BEND3: variants seen among roughly 807,000 people sequenced by gnomAD.
BEND3 encodes the protein BEN domain containing 3.
Under a neutral mutation model 60.1 loss-of-function variants are expected in BEND3, and 13 were observed. That is an observed-to-expected ratio of 0.22 (90% CI 0.14 to 0.34). BEND3 has a LOEUF of 0.34. BEND3 is among the 10% of genes least tolerant of loss of function. The probability of loss-of-function intolerance (pLI) is 1.00; values close to 1 mark genes in which losing one functional copy is unlikely to be tolerated. For missense variants in BEND3, 896 were observed against 1,138.1 expected (o/e 0.79, Z 3.06); for synonymous variants, 497 against 491.5 (o/e 1.01, Z -0.15).
chr6:107,112,339 G>C (rs1232965094), intron 1 of BEND3, among the ~76,000 whole-genome samples: 1 of 152,058 alleles, frequency 6.6e-6, no homozygotes, highest in Non-Finnish European at 1.5e-5. Context: ...GCTCACACAG[G>C]GGTGCTTAGG....
intron 3 of BEND3, among the ~76,000 whole-genome samples, chr6:107,086,564 G>A (rs189653569): frequency 9.9e-5 from 15 of 151,992 alleles, no homozygotes; most frequent in South Asian, 6.3e-4. Context: ...GCAGTGAGCC[G>A]AAATCGCGTC....
At chr6:107,100,513 C>T (rs1184314059) in intron 1 of BEND3, among the ~76,000 whole-genome samples, 3 of 152,048 alleles carry the variant, frequency 2.0e-5, no homozygotes, top group African/African-American at 4.8e-5. Flanking sequence ...ATGATCCGCC[C>T]ACCTCAGCCT....
intron 3 of BEND3, among the ~76,000 whole-genome samples, chr6:107,083,450 T>A (rs1775273749): frequency 6.6e-6 from 1 of 151,676 alleles, no homozygotes; most frequent in Non-Finnish European, 1.5e-5. Flanking sequence ...CCAAACCCCA[T>A]CTCTACAAAA....
chr6:107,070,872 T>G lies in BEND3; in HGVS notation c.319A>C (p.Ser107Arg). ...GNGEQAGRGR[S>R]LGNVWPGEEE... ...TCTCCAGGCCACACATTGCCCAGGC[T>G]CCTGCCCCTGCCGGCCTGCTCACCA... is the stretch of plus-strand genomic sequence containing the variant. The change falls in exon 4 of 4, where the codon AGC becomes CGC. Residue 107 changes from serine (S) to arginine (R), a missense_variant. Around this residue, in one of 4 missense-constraint regions of BEND3, gnomAD observed 846 missense variants for 1,036.7 expected, o/e 0.82. Coordinates refer to ENST00000369042, the MANE Select transcript of BEND3 (RefSeq NM_001367314.1). This position sits in a 1 kb window ranked among gnomAD's most constrained non-coding sequence, Gnocchi z 6.9. 1 of 1,613,912 alleles carries G rather than the reference T, an allele frequency of 6.2e-7. No individual in the cohort carries two copies. The highest frequency in any genetic ancestry group is 8.5e-7 in the Non-Finnish European group (1 of 1,180,028).
At chr6:107,111,229 G>A (rs1399826671) in intron 1 of BEND3, among the ~76,000 whole-genome samples, 1 of 152,004 alleles carries the variant, frequency 6.6e-6, no homozygotes, top group African/African-American at 2.4e-5. Flanking sequence ...AACACATGTA[G>A]GCTAGGCGTG....
chr6:107,077,917 C>T (rs1775133628), intron 3 of BEND3, among the ~76,000 whole-genome samples: 1 of 152,178 alleles, frequency 6.6e-6, no homozygotes. Flanking sequence ...ACCACAGAGA[C>T]ATTTTAGGAC....
chr6:107,115,197 G>A lies in BEND3; in HGVS notation c.-119C>T, dbSNP rs1770240471. 1 of 150,364 alleles carries A rather than the reference G, an allele frequency of 6.7e-6. No individual in the cohort carries two copies. The highest frequency in any genetic ancestry group is 2.4e-5 in the African/African-American group (1 of 41,106). 9.3% of individuals were successfully genotyped at this position (150,364 alleles called of 1,614,324 possible). A position where few individuals can be genotyped will look rare whatever the true frequency, so the allele number is the denominator to read the frequency against. On this transcript the variant is annotated 5_prime_UTR_variant, in exon 1 of 4. Coordinates refer to ENST00000369042, the MANE Select transcript of BEND3 (RefSeq NM_001367314.1). Reference sequence around the variant, plus strand: ...AGTGGGGGCCGCGCGCGGAGGGCCTGGCCAGGGCGGCCCGGGGAGGCGCTG... The same window carrying A: ...AGTGGGGGCCGCGCGCGGAGGGCCTAGCCAGGGCGGCCCGGGGAGGCGCTG...
intron 1 of BEND3, among the ~76,000 whole-genome samples, chr6:107,110,450 T>A (rs1775916536): frequency 6.6e-6 from 1 of 152,058 alleles, no homozygotes; most frequent in Non-Finnish European, 1.5e-5. Context: ...TACTGACGTA[T>A]CAGAAGCAGA....
At chr6:107,080,871 G>A (rs1554233434) in intron 3 of BEND3, among the ~76,000 whole-genome samples, 1 of 151,954 alleles carries the variant, frequency 6.6e-6, no homozygotes, top group African/African-American at 2.4e-5. Context: ...GTGACAGAGA[G>A]AGATTCCATC....
intron 3 of BEND3, among the ~76,000 whole-genome samples, chr6:107,091,101 C>T (rs1775466886): frequency 2.0e-5 from 3 of 150,418 alleles, no homozygotes; most frequent in Admixed American, 6.6e-5. Context: ...CAGAGTGATA[C>T]TCCATCTCGA....
chr6:107,104,055 C>T (rs1309134596), intron 1 of BEND3, among the ~76,000 whole-genome samples: 4 of 151,464 alleles, frequency 2.6e-5, no homozygotes, highest in African/African-American at 7.3e-5. Flanking sequence ...ACTTTGGAGG[C>T]GGGCAGATCA....
rs1327872847 is a variant in BEND3 at position 107,067,398 on chromosome 6, G to T, written c.*1306C>A. 1 of 152,188 alleles carries T rather than the reference G, an allele frequency of 6.6e-6. No individual in the cohort carries two copies. Among genetic ancestry groups the T allele is most frequent in the African/African-American group, 2.4e-5 (1 of 41,434 alleles). The allele number at this position is 152,188 out of a possible 1,614,324, so 9.4% of individuals were successfully genotyped here. ...TTTTAAAGGACTTTACCTGTCAGGG[G>T]ATTTCCCAGTTGGTGCTCCTGGAGA... On this transcript the variant is annotated 3_prime_UTR_variant, in exon 4 of 4. Transcript: ENST00000369042.
At chr6:107,072,553 C>A (rs782780636) in intron 3 of BEND3, among the ~76,000 whole-genome samples, 6 of 152,212 alleles carry the variant, frequency 3.9e-5, no homozygotes, top group Non-Finnish European at 8.8e-5. Context: ...AAAGAGACAA[C>A]CTCAGAAGCG....
At chr6:107,091,407 T>G (rs1285471891) in intron 3 of BEND3, among the ~76,000 whole-genome samples, 1 of 152,072 alleles carries the variant, frequency 6.6e-6, no homozygotes, top group Non-Finnish European at 1.5e-5. Flanking sequence ...GTAAAATCCA[T>G]ATGCCTCTAG....
intron 1 of BEND3, among the ~76,000 whole-genome samples, chr6:107,108,234 C>T (rs311209): frequency 0.16 from 23,638 of 152,144 alleles, 4,999 homozygotes; most frequent in African/African-American, 0.48. Flanking sequence ...CCTGCCCGCG[C>T]GCCTGTGATT....
intron 3 of BEND3, among the ~76,000 whole-genome samples, chr6:107,089,629 C>G (rs146116755): frequency 0.022 from 3,242 of 147,876 alleles, 52 homozygotes; most frequent in Non-Finnish European, 0.038. Flanking sequence ...GAGTCTCGCT[C>G]TGTCACCCAG....
At chr6:107,108,796 T>C (rs565416354) in intron 1 of BEND3, among the ~76,000 whole-genome samples, 1 of 151,888 alleles carries the variant, frequency 6.6e-6, no homozygotes, top group South Asian at 2.1e-4. Context: ...AGAAAAAAAA[T>C]TAAGAGGGTT....
chr6:107,084,136 G>A (rs569236299), intron 3 of BEND3, among the ~76,000 whole-genome samples: 4 of 152,340 alleles, frequency 2.6e-5, no homozygotes, highest in East Asian at 1.9e-4. Context: ...CAGACTTGGC[G>A]AAACAGACGG....
At chr6:107,095,418 C>T (rs1775564808) in intron 3 of BEND3, among the ~76,000 whole-genome samples, 1 of 152,126 alleles carries the variant, frequency 6.6e-6, no homozygotes, top group Non-Finnish European at 1.5e-5. Context: ...ACACTGACAA[C>T]AGCAAATGCT....
Sources: allele counts gnomAD v4.1 joint callset (sites outside exome capture counted in the v4.1 genomes callset), GRCh38; gene constraint gnomAD v4.1.1; regional missense constraint gnomAD v4.1.1; non-coding constraint Gnocchi (gnomAD v3.1); transcripts MANE v1.5; gene names NCBI Gene and HGNC (gene_info 2026-07-23, HGNC 2026-07-21).